ACOT13: variants seen among roughly 807,000 people sequenced by gnomAD.
ACOT13 encodes acyl-coenzyme A thioesterase 13.
In ACOT13, 10 loss-of-function variants were observed where a neutral mutation model predicts 11.8. The ratio of observed to expected loss-of-function variants is 0.85; its 90% CI spans 0.53 to 1.44. The LOEUF (loss-of-function observed/expected upper bound fraction) is 1.44. Among genes scored for constraint, ACOT13 ranks in the 40% most tolerant of loss-of-function variants. The probability of loss-of-function intolerance (pLI) is 0.00; values close to 1 mark genes in which losing one functional copy is unlikely to be tolerated. For synonymous variants in ACOT13, 53 were observed against 61.0 expected (o/e 0.87, Z 0.61); for missense variants, 172 against 174.1 (o/e 0.99, Z 0.07).
At chr6:24,676,194 G>T (rs1284149057) in intron 1 of ACOT13, among the ~76,000 whole-genome samples, 8 of 152,314 alleles carry the variant, frequency 5.3e-5, no homozygotes, top group African/African-American at 1.9e-4. Context: ...GCTTAGGATT[G>T]TCTTGGCAAT....
chr6:24,697,824 T>C, intron 1 of ACOT13, 59 bp from the exon 2 acceptor site: 1 of 1,406,282 alleles, frequency 7.1e-7, no homozygotes, highest in Non-Finnish European at 9.5e-7. Flanking sequence ...CTTCATGGGC[T>C]TTTTTGGCTT....
At chr6:24,669,208 G>A (rs1344243130) in intron 1 of ACOT13, among the ~76,000 whole-genome samples, 1 of 152,206 alleles carries the variant, frequency 6.6e-6, no homozygotes, top group Non-Finnish European at 1.5e-5. Flanking sequence ...TGCCCAAGGT[G>A]GTCAGAGCAC....
In ACOT13 at chr6:24,685,425, C is replaced by T. The variant is rs1013587793; in HGVS notation, c.82-12458C>T. 9.9e-4 allele frequency among the ~76,000 whole-genome samples: 148 copies of T among 148,996 alleles called. 1 individual carries two copies. The highest frequency in any genetic ancestry group is 3.4e-3 in the African/African-American group (139 of 40,654). On this transcript the variant is annotated intron_variant, in intron 1 of 2. Coordinates refer to ENST00000230048, the MANE Select transcript of ACOT13 (RefSeq NM_018473.4). ...GCAGTGGTGCAATCTCGGCTCACTG[C>T]AAGCTCCGCCTCCCGGGTTCACACC... is the stretch of plus-strand genomic sequence containing the variant.
At chr6:24,694,586 A>G (rs1406735659) in intron 1 of ACOT13, among the ~76,000 whole-genome samples, 1 of 152,160 alleles carries the variant, frequency 6.6e-6, no homozygotes, top group African/African-American at 2.4e-5. Flanking sequence ...ACCAAGGCTG[A>G]GATGTTTTTT....
chr6:24,677,838 G>A (rs1417995606), intron 1 of ACOT13, among the ~76,000 whole-genome samples: 1 of 152,232 alleles, frequency 6.6e-6, no homozygotes, highest in East Asian at 1.9e-4. Flanking sequence ...GTTTTGGGAT[G>A]AGGATAAGCC....
At position 24,687,473 on chromosome 6, in the gene ACOT13, T is replaced by A; in HGVS notation, c.82-10410T>A. The A allele has an allele frequency of 2.2e-6, 3 of 1,345,428 alleles. No homozygotes were observed. In the South Asian group the frequency reaches 6.4e-5, roughly 29 times the overall value. 83.3% of individuals were successfully genotyped at this position (1,345,428 alleles called of 1,614,324 possible). On this transcript the variant is annotated intron_variant, in intron 1 of 2. Coordinates refer to ENST00000230048, the MANE Select transcript of ACOT13 (RefSeq NM_018473.4). Reference sequence around the variant, plus strand: ...ACTGTGCTAGGATCTAGAAATACCATGTGGACTCCAACACACATAGAAATA... The same window carrying A: ...ACTGTGCTAGGATCTAGAAATACCAAGTGGACTCCAACACACATAGAAATA...
In ACOT13 at chr6:24,672,491, T is replaced by A. The variant is rs760907662; in HGVS notation, c.81+5147T>A. ...CCTTCTCTACTAAAAATACAAAAAT[T>A]AGCTGAGTGTGGTGGCACGCGTCTG... On this transcript the variant is annotated intron_variant, in intron 1 of 2. Coordinates refer to ENST00000230048, the MANE Select transcript of ACOT13 (RefSeq NM_018473.4). Among the ~76,000 whole-genome samples the A allele has an allele frequency of 9.9e-5, 15 of 151,988 alleles. 1 individual carries two copies. The highest frequency in any genetic ancestry group is 1.6e-4 in the Non-Finnish European group (11 of 67,992).
At chr6:24,699,138 G>T (rs1306038788) in intron 2 of ACOT13, among the ~76,000 whole-genome samples, 3 of 151,304 alleles carry the variant, frequency 2.0e-5, no homozygotes, top group African/African-American at 7.3e-5. Flanking sequence ...CAACAAAAAT[G>T]TAACTAACTG....
In ACOT13 at chr6:24,676,385, G is replaced by A. The variant is rs376096927; in HGVS notation, c.81+9041G>A. ...ATGGAATGTTCTTCCATTTGTTTGT[G>A]TCCTCTTTTATTTCGTTGAGCAGTG... On this transcript the variant is annotated intron_variant, in intron 1 of 2. Coordinates refer to ENST00000230048, the MANE Select transcript of ACOT13 (RefSeq NM_018473.4). 4.4e-4 allele frequency among the ~76,000 whole-genome samples: 67 copies of A among 151,894 alleles called. No individual in the cohort carries two copies. The South Asian group carries it at 0.013, about 30-fold the overall frequency.
At chr6:24,687,801 TC>T in intron 1 of ACOT13, 1 of 1,143,922 alleles carries the variant, frequency 8.7e-7, no homozygotes, top group Non-Finnish European at 1.2e-6. Context: ...AACCTCTGCC[TC>T]CCAGGTTCAA....
chr6:24,681,655 T>C, intron 1 of ACOT13, among the ~76,000 whole-genome samples: 1 of 152,102 alleles, frequency 6.6e-6, no homozygotes, highest in Non-Finnish European at 1.5e-5. Flanking sequence ...TAACTGCCCA[T>C]GTCGAGAGCT....
chr6:24,679,212 A>T (rs1778507106), intron 1 of ACOT13, among the ~76,000 whole-genome samples: 1 of 151,090 alleles, frequency 6.6e-6, no homozygotes, highest in African/African-American at 2.4e-5. Context: ...GAGGGCCATG[A>T]CTAAAGCAGT....
chr6:24,693,778 C>T lies in ACOT13; in HGVS notation c.82-4105C>T, dbSNP rs1029416662. 3.3e-4 allele frequency among the ~76,000 whole-genome samples: 50 copies of T among 150,146 alleles called. 1 individual carries two copies. The highest frequency in any genetic ancestry group is 1.2e-4 in the Non-Finnish European group (8 of 67,818). The stretch of plus-strand genomic sequence containing the variant: ...TCACTCTGTCGCCTAGGCTGGAGTG[C>T]AGTGGTGCGAACTCGGCTAACCTCC... On this transcript the variant is annotated intron_variant, in intron 1 of 2. Transcript: ENST00000230048.
intron 1 of ACOT13, among the ~76,000 whole-genome samples, chr6:24,685,332 C>CTTTTTTTTTTTTTTTTTTTTTTTTTT (rs563020332): frequency 8.6e-6 from 1 of 116,784 alleles, no homozygotes. Flanking sequence ...TTTTACTGTA[C>CTTTTTTTTTTTTTTTTTTTTTTTTTT]TTTTTTTTTT....
chr6:24,701,701 T>G lies in ACOT13; in HGVS notation c.*86T>G. 6.6e-6 allele frequency: 9 copies of G among 1,359,050 alleles called. No individual in the cohort carries two copies. The highest frequency in any genetic ancestry group is 8.9e-6 in the Non-Finnish European group (9 of 1,013,026). 84.2% of individuals were successfully genotyped at this position (1,359,050 alleles called of 1,614,324 possible). On this transcript the variant is annotated 3_prime_UTR_variant, in exon 3 of 3. Transcript: ENST00000230048. Reference sequence around the variant, plus strand: ...AACAATTGTAATTTTTGAAATAAACTAGCAAAACCAGAAGCAGCTAGAAAT... The same window carrying G: ...AACAATTGTAATTTTTGAAATAAACGAGCAAAACCAGAAGCAGCTAGAAAT...
Position 24,703,829 on chromosome 6 carries a change from A to G in ACOT13, c.*2214A>G, listed in dbSNP as rs1778939131. The G allele has an allele frequency of 6.6e-6, 1 of 152,236 alleles. No homozygotes were observed. Among genetic ancestry groups the G allele is most frequent in the African/African-American group, 2.4e-5 (1 of 41,460 alleles). 9.4% of individuals were successfully genotyped at this position (152,236 alleles called of 1,614,324 possible). ...AGGCGCTCAAAAGTAACATCAATGA[A>G]GAGCAGATGGAGAGTATACTTGAGA... On this transcript the variant is annotated 3_prime_UTR_variant, in exon 3 of 3. Coordinates refer to ENST00000230048, the MANE Select transcript of ACOT13 (RefSeq NM_018473.4).
At chr6:24,667,593 G>C (rs774082014) in intron 1 of ACOT13, among the ~76,000 whole-genome samples, 10 of 152,208 alleles carry the variant, frequency 6.6e-5, no homozygotes, top group Non-Finnish European at 1.2e-4. Context: ...CCAAGGCTGG[G>C]AGGGACTTTG....
At chr6:24,698,858 G>C (rs1409207233) in intron 2 of ACOT13, among the ~76,000 whole-genome samples, 1 of 152,088 alleles carries the variant, frequency 6.6e-6, no homozygotes, top group African/African-American at 2.4e-5. Context: ...GGCTGGTCTT[G>C]AACTCCTGAC....
intron 1 of ACOT13, among the ~76,000 whole-genome samples, chr6:24,669,764 A>T (rs1372843842): frequency 1.3e-5 from 2 of 152,202 alleles, no homozygotes; most frequent in Admixed American, 1.3e-4. Flanking sequence ...AACAAACAAA[A>T]GAACAATCCT....
Sources: allele counts gnomAD v4.1 joint callset (sites outside exome capture counted in the v4.1 genomes callset), GRCh38; gene constraint gnomAD v4.1.1; transcripts MANE v1.5; gene names NCBI Gene and HGNC (gene_info 2026-07-23, HGNC 2026-07-21).